Variants in ST6GAL1 observed in about 807,000 individuals in gnomAD.
ST6GAL1 encodes the protein beta-galactoside alpha-2,6-sialyltransferase 1.
ST6GAL1 carries 20 observed loss-of-function variants against 38.0 expected under a neutral mutation model. The ratio of observed to expected loss-of-function variants is 0.53; its 90% CI spans 0.37 to 0.77. The LOEUF is 0.77. ST6GAL1 is among the 30% of genes least tolerant of loss of function. ST6GAL1 has a pLI of 0.00. For synonymous variants in ST6GAL1, 196 were observed against 188.2 expected (o/e 1.04, Z -0.34); for missense variants, 432 against 496.4 (o/e 0.87, Z 1.23).
At chr3:187,010,969 C>A (rs934931638) in intron 2 of ST6GAL1, among the ~76,000 whole-genome samples, 1 of 152,146 alleles carries the variant, frequency 6.6e-6, no homozygotes, top group African/African-American at 2.4e-5. Flanking sequence ...TCTTCGGGGC[C>A]GAGAGAACTT....
At chr3:186,945,766 C>G (rs1346196726) in intron 1 of ST6GAL1, among the ~76,000 whole-genome samples, 2 of 147,808 alleles carry the variant, frequency 1.4e-5, no homozygotes, top group Non-Finnish European at 3.0e-5. Flanking sequence ...GCGGGTGGAT[C>G]ACGAGATCAG....
intron 5 of ST6GAL1, 70 bp from the exon 6 acceptor site, chr3:187,072,779 C>T: frequency 7.4e-7 from 1 of 1,352,112 alleles, no homozygotes; most frequent in Non-Finnish European, 1.1e-6. Flanking sequence ...TGTGCTATGT[C>T]AGCTATTACT....
At chr3:187,058,590 C>A (rs1050755173) in intron 5 of ST6GAL1, among the ~76,000 whole-genome samples, 5 of 151,604 alleles carry the variant, frequency 3.3e-5, no homozygotes, top group African/African-American at 1.2e-4. Context: ...CTTCCAATGC[C>A]TGTTTGTTGT....
Position 187,076,130 on chromosome 3 carries a change from G to T in ST6GAL1, c.*327G>T. The T allele has an allele frequency of 3.4e-6, 1 of 295,598 alleles. No individual in the cohort carries two copies. The allele number at this position is 295,598 out of a possible 1,614,324, so 18.3% of individuals were successfully genotyped here. On this transcript the variant is annotated 3_prime_UTR_variant, in exon 8 of 8. Transcript: ENST00000169298. Reference sequence around the variant, plus strand: ...ATCAGGGCTGCCAAAGCTGGGCTTTGTTTTTCCCAGCAGAATGATGCCATT... The same window carrying T: ...ATCAGGGCTGCCAAAGCTGGGCTTTTTTTTTCCCAGCAGAATGATGCCATT...
At chr3:187,057,432 C>T (rs928325651) in intron 5 of ST6GAL1, among the ~76,000 whole-genome samples, 1 of 152,218 alleles carries the variant, frequency 6.6e-6, no homozygotes, top group Non-Finnish European at 1.5e-5. Context: ...TTCTCCCCAT[C>T]TTTGTAGTTT....
chr3:187,031,196 T>C (rs183599520), intron 2 of ST6GAL1, among the ~76,000 whole-genome samples: 4 of 152,292 alleles, frequency 2.6e-5, no homozygotes, highest in African/African-American at 7.2e-5. Context: ...CTTGAGCTGG[T>C]GTTGGAAGCT....
At chr3:186,955,839 T>C (rs1476585041) in intron 1 of ST6GAL1, among the ~76,000 whole-genome samples, 1 of 152,136 alleles carries the variant, frequency 6.6e-6, no homozygotes, top group Non-Finnish European at 1.5e-5. Flanking sequence ...GGTTTGTAGT[T>C]CTCCTTGAAG....
chr3:187,021,721 A>T (rs1356643846), intron 2 of ST6GAL1: 1 of 142,690 alleles, frequency 7.0e-6, no homozygotes, highest in African/African-American at 2.7e-5. Context: ...AACCTGGGCG[A>T]CAGAGCGAGA....
Position 187,074,257 on chromosome 3 carries a change from T to A in ST6GAL1, c.903T>A (p.Pro301=). 1 of 1,612,406 alleles carries A rather than the reference T, an allele frequency of 6.2e-7. No individual in the cohort carries two copies. The highest frequency in any genetic ancestry group is 8.5e-7 in the Non-Finnish European group (1 of 1,179,298). ...TTTACATCCTCAAGCCCCAGATGCCTTGGGAGCTATGGGACATTCTTCAAG... is the reference window on the plus strand; with the variant it reads ...TTTACATCCTCAAGCCCCAGATGCCATGGGAGCTATGGGACATTCTTCAAG... ...QPFYILKPQM[P]WELWDILQEI... The change falls in exon 7 of 8, where the codon CCT becomes CCA. Residue 301 remains proline, a synonymous_variant. Transcript: ENST00000169298.
At chr3:186,946,142 C>T (rs1035439290) in intron 1 of ST6GAL1, among the ~76,000 whole-genome samples, 23 of 151,994 alleles carry the variant, frequency 1.5e-4, no homozygotes, top group Non-Finnish European at 2.1e-4. Context: ...CCCGTCTCTA[C>T]GAAAAATACA....
intron 5 of ST6GAL1, among the ~76,000 whole-genome samples, chr3:187,069,588 G>T (rs1040350080): frequency 6.6e-5 from 10 of 152,010 alleles, no homozygotes; most frequent in Non-Finnish European, 1.5e-5. Context: ...TATTTCTTAG[G>T]TGACAACAGG....
intron 2 of ST6GAL1, among the ~76,000 whole-genome samples, chr3:187,001,089 C>T (rs1047047089): frequency 6.6e-6 from 1 of 152,150 alleles, no homozygotes; most frequent in Admixed American, 6.5e-5. Context: ...GAGCCAAACC[C>T]GAAGACCCAC....
chr3:187,036,090 G>A (rs1215511708), intron 2 of ST6GAL1, among the ~76,000 whole-genome samples: 2 of 152,160 alleles, frequency 1.3e-5, no homozygotes, highest in Non-Finnish European at 2.9e-5. Context: ...TAAAATGTGA[G>A]CAAAAGATAT....
At chr3:186,987,375 T>C (rs1367849196) in intron 2 of ST6GAL1, among the ~76,000 whole-genome samples, 1 of 152,192 alleles carries the variant, frequency 6.6e-6, no homozygotes, top group Non-Finnish European at 1.5e-5. Context: ...CATCAGTGTT[T>C]TAGGTAACCT....
In ST6GAL1 at chr3:187,078,344, T is replaced by C. The variant is rs1358160417; in HGVS notation, c.*2541T>C. ...GACAGTTAATTTAAAAATTATGAGT[T>C]AATGCTGCCTGTGTCTATGGGGTTC... On this transcript the variant is annotated 3_prime_UTR_variant, in exon 8 of 8. Transcript: ENST00000169298. 3.3e-5 allele frequency: 5 copies of C among 152,192 alleles called. No individual in the cohort carries two copies. The highest frequency in any genetic ancestry group is 7.3e-5 in the Non-Finnish European group (5 of 68,038). 9.4% of individuals were successfully genotyped at this position (152,192 alleles called of 1,614,324 possible).
intron 5 of ST6GAL1, chr3:187,072,462 T>C (rs1253602856): frequency 1.5e-5 from 5 of 331,108 alleles, no homozygotes; most frequent in East Asian, 7.7e-5. Context: ...CTCTAGGTGA[T>C]TGAAAGGATT....
chr3:187,036,716 A>G (rs1183746044), intron 2 of ST6GAL1, among the ~76,000 whole-genome samples: 2 of 152,196 alleles, frequency 1.3e-5, no homozygotes, highest in African/African-American at 4.8e-5. Flanking sequence ...GCTGATAGAC[A>G]TAAAGATGGC....
chr3:186,946,475 G>A (rs375037547), intron 1 of ST6GAL1, among the ~76,000 whole-genome samples: 70 of 152,120 alleles, frequency 4.6e-4, no homozygotes, highest in South Asian at 2.3e-3. Flanking sequence ...TCGATCTCCC[G>A]GGTTCAAGTG....
At chr3:187,036,452 G>C (rs1717934007) in intron 2 of ST6GAL1, among the ~76,000 whole-genome samples, 1 of 152,192 alleles carries the variant, frequency 6.6e-6, no homozygotes, top group Non-Finnish European at 1.5e-5. Flanking sequence ...ATGCACTTGT[G>C]TGTTTATTGC....
Sources: allele counts gnomAD v4.1 joint callset (sites outside exome capture counted in the v4.1 genomes callset), GRCh38; gene constraint gnomAD v4.1.1; transcripts MANE v1.5; gene names NCBI Gene and HGNC (gene_info 2026-07-23, HGNC 2026-07-21).